MRPL45: variants seen among roughly 807,000 people sequenced by gnomAD.
The protein encoded by MRPL45 is mitochondrial ribosomal protein L45, also known as large ribosomal subunit protein mL45.
Under a neutral mutation model 38.1 loss-of-function variants are expected in MRPL45, and 20 were observed. The ratio of observed to expected loss-of-function variants is 0.53; its 90% CI spans 0.37 to 0.76. MRPL45 has a LOEUF of 0.76. Among genes scored for constraint, MRPL45 ranks in the 30% least tolerant of loss-of-function variants. MRPL45 has a pLI of 0.00. For missense variants in MRPL45, 337 were observed against 395.6 expected (o/e 0.85, Z 1.26); for synonymous variants, 105 against 128.8 (o/e 0.82, Z 1.25).
intron 3 of MRPL45, among the ~76,000 whole-genome samples, chr17:38,304,550 TA>T (rs1157894206): frequency 1.3e-5 from 2 of 151,318 alleles, no homozygotes; most frequent in Non-Finnish European, 3.0e-5. Flanking sequence ...CTTTTTATTT[TA>T]TTTTTTTTTT....
chr17:38,322,366 G>A, intron 7 of MRPL45, 67 bp downstream of exon 7: 1 of 1,363,030 alleles, frequency 7.3e-7, no homozygotes, highest in Non-Finnish European at 9.8e-7. Context: ...CACTCTGTCG[G>A]GCTCCACCTA....
chr17:38,308,126 G>A (rs1039094976), intron 4 of MRPL45, among the ~76,000 whole-genome samples: 7 of 152,164 alleles, frequency 4.6e-5, no homozygotes, highest in Admixed American at 4.6e-4. Context: ...GGCTATGCAA[G>A]CCAGTCATTT....
intron 3 of MRPL45, among the ~76,000 whole-genome samples, chr17:38,300,519 A>T (rs1322408401): frequency 6.6e-6 from 1 of 152,036 alleles, no homozygotes; most frequent in Admixed American, 6.6e-5. Flanking sequence ...TTCATTGCAG[A>T]GCAGGGCTAC....
chr17:38,318,443 T>A (rs547344515), intron 4 of MRPL45, among the ~76,000 whole-genome samples: 24 of 151,986 alleles, frequency 1.6e-4, no homozygotes, highest in South Asian at 1.5e-3. Context: ...TAATTTTTTT[T>A]AAATTTATTT....
rs754013816 is a variant in MRPL45, at chr17:38,322,227, C to T, written c.762C>T (p.Asn254=). The T allele has an allele frequency of 2.5e-6, 4 of 1,613,946 alleles. No homozygotes were observed. Among genetic ancestry groups the T allele is most frequent in the African/African-American group, 1.3e-5 (1 of 74,860 alleles). ...EYVVFEKQLT[N]PYGSWRMHTK... is the part of the protein sequence containing the mutation. ...TTGTATTCGAAAAGCAGTTGACAAACCCCTATGGAAGCTGGAGAATGCATA... is the reference window on the plus strand; with the variant it reads ...TTGTATTCGAAAAGCAGTTGACAAATCCCTATGGAAGCTGGAGAATGCATA... Residue 254 remains asparagine, a synonymous_variant, in exon 7 of 8, where the codon AAC becomes AAT. Transcript: ENST00000613675.
chr17:38,315,557 C>T (rs2037165353), intron 4 of MRPL45, among the ~76,000 whole-genome samples: 1 of 151,814 alleles, frequency 6.6e-6, no homozygotes, highest in African/African-American at 2.4e-5. Flanking sequence ...GCATGAGCTG[C>T]TGTGCCCAGC....
At chr17:38,304,408 C>A (rs2037029888) in intron 3 of MRPL45, among the ~76,000 whole-genome samples, 1 of 152,212 alleles carries the variant, frequency 6.6e-6, no homozygotes, top group Non-Finnish European at 1.5e-5. Flanking sequence ...TCCCAGAGGT[C>A]AAGGCTGCAG....
At chr17:38,304,585 C>T (rs1180602072) in intron 3 of MRPL45, among the ~76,000 whole-genome samples, 1 of 152,130 alleles carries the variant, frequency 6.6e-6, no homozygotes, top group African/African-American at 2.4e-5. Flanking sequence ...ACTCTTTCGC[C>T]CAGGCTGGAT....
At chr17:38,305,207 G>T (rs1003629076) in intron 3 of MRPL45, among the ~76,000 whole-genome samples, 2 of 129,318 alleles carry the variant, frequency 1.5e-5, no homozygotes, top group Non-Finnish European at 3.4e-5. Context: ...CATGGCTCAG[G>T]CCTGTAATCC....
Position 38,322,066 on chromosome 17 carries a change from A to G in MRPL45, c.661-60A>G, listed in dbSNP as rs1597658020. 2.6e-6 allele frequency: 4 copies of G among 1,546,356 alleles called. No homozygotes were observed. The East Asian group carries it at 9.0e-5, about 35-fold the overall frequency. On this transcript the variant is annotated intron_variant, in intron 6 of 7. Coordinates refer to ENST00000613675, the MANE Select transcript of MRPL45 (RefSeq NM_032351.6). ...AAAAAGGTTGTATGGCAATAAAACA[A>G]ACAACTCACACTCACACACCAAAAA...
At chr17:38,308,551 C>T (rs2037076639) in intron 4 of MRPL45, among the ~76,000 whole-genome samples, 1 of 152,034 alleles carries the variant, frequency 6.6e-6, no homozygotes, top group South Asian at 2.1e-4. Flanking sequence ...AGCAATTCTC[C>T]TGCCTTAACC....
At chr17:38,318,651 G>A (rs2037198104) in intron 4 of MRPL45, 36 bp from the exon 5 acceptor site, 5 of 1,493,860 alleles carry the variant, frequency 3.3e-6, no homozygotes, top group Non-Finnish European at 4.7e-6. Flanking sequence ...TATTATAAGA[G>A]CAATAGTCAA....
intron 4 of MRPL45, among the ~76,000 whole-genome samples, chr17:38,317,732 C>T (rs556039414): frequency 2.0e-5 from 3 of 151,960 alleles, no homozygotes; most frequent in South Asian, 2.1e-4. Flanking sequence ...CTACTACTCT[C>T]GGCTAATTTT....
intron 4 of MRPL45, among the ~76,000 whole-genome samples, chr17:38,311,302 C>T (rs1433149977): frequency 2.0e-5 from 3 of 152,138 alleles, no homozygotes; most frequent in Admixed American, 6.6e-5. Context: ...TCCTAACCCC[C>T]AAGGTGATGG....
intron 4 of MRPL45, among the ~76,000 whole-genome samples, chr17:38,310,835 G>C (rs1353462981): frequency 1.3e-5 from 2 of 152,008 alleles, no homozygotes; most frequent in Non-Finnish European, 2.9e-5. Flanking sequence ...TGTTGCCCAG[G>C]CTGGTCTCGA....
chr17:38,309,048 A>C (rs551839517), intron 4 of MRPL45, among the ~76,000 whole-genome samples: 1 of 151,108 alleles, frequency 6.6e-6, no homozygotes, highest in African/African-American at 2.4e-5. Flanking sequence ...CTGGAACTAC[A>C]GGTGCCTGCC....
Position 38,299,264 on chromosome 17 carries a change from A to G in MRPL45, c.245-87A>G. On this transcript the variant is annotated intron_variant, in intron 2 of 7. Coordinates refer to ENST00000613675, the MANE Select transcript of MRPL45 (RefSeq NM_032351.6). ...TTCATTAGTCTACTTCATATCCACAATCCTTCCCAATTTTACATTACTTCA... is the reference window on the plus strand; with the variant it reads ...TTCATTAGTCTACTTCATATCCACAGTCCTTCCCAATTTTACATTACTTCA... 5 of 843,316 alleles carry G rather than the reference A, an allele frequency of 5.9e-6. No homozygotes were observed. In the South Asian group the frequency reaches 9.3e-5, roughly 16 times the overall value. 52.2% of individuals were successfully genotyped at this position (843,316 alleles called of 1,614,324 possible).
intron 3 of MRPL45, among the ~76,000 whole-genome samples, chr17:38,302,997 C>T (rs1379945015): frequency 1.3e-5 from 2 of 150,984 alleles, no homozygotes; most frequent in Middle Eastern, 3.2e-3. Flanking sequence ...GCATTACAGG[C>T]GTGAGGCACC....
At chr17:38,319,068 C>T (rs1307933856) in intron 5 of MRPL45, among the ~76,000 whole-genome samples, 1 of 150,660 alleles carries the variant, frequency 6.6e-6, no homozygotes, top group Non-Finnish European at 1.5e-5. Context: ...TGGAGTCTCG[C>T]TCTGTCGCCC....
Sources: allele counts gnomAD v4.1 joint callset (sites outside exome capture counted in the v4.1 genomes callset), GRCh38; gene constraint gnomAD v4.1.1; transcripts MANE v1.5; gene names NCBI Gene and HGNC (gene_info 2026-07-23, HGNC 2026-07-21).